CES5A: variants seen among roughly 807,000 people sequenced by gnomAD.
The protein encoded by CES5A is carboxylesterase 5A.
A neutral mutation model predicts 62.9 loss-of-function variants in CES5A; 67 were observed. The observed-to-expected ratio is 1.07, with a 90% CI of 0.88 to 1.31. CES5A has a LOEUF of 1.31. Among genes scored for constraint, CES5A ranks in the 50% most tolerant of loss-of-function variants. The pLI is 0.00. For missense variants in CES5A, 748 were observed against 708.5 expected (o/e 1.06, Z -0.63); for synonymous variants, 296 against 280.8 (o/e 1.05, Z -0.54).
At chr16:55,878,217 T>C (rs1347038402), upstream of CES5A, among the ~76,000 whole-genome samples, 1 of 152,100 alleles carries the variant, frequency 6.6e-6, no homozygotes, top group Non-Finnish European at 1.5e-5. Context: ...CTACCCCTGC[T>C]GATAGGTGGT....
At chr16:55,877,508 G>A (rs1007405322), upstream of CES5A, among the ~76,000 whole-genome samples, 1 of 151,562 alleles carries the variant, frequency 6.6e-6, no homozygotes, top group Non-Finnish European at 1.5e-5. Flanking sequence ...TACCACCAAA[G>A]TCTTACTCTT....
intron 1 of CES5A, among the ~76,000 whole-genome samples, chr16:55,954,665 G>A (rs373686665): frequency 1.3e-5 from 2 of 152,252 alleles, no homozygotes; most frequent in South Asian, 4.2e-4. Flanking sequence ...GAGAGGTGTG[G>A]AACCTCAGCC....
At chr16:55,874,354 C>T (rs376182976) in intron 1 of CES5A, among the ~76,000 whole-genome samples, 4 of 152,130 alleles carry the variant, frequency 2.6e-5, no homozygotes, top group African/African-American at 4.8e-5. Context: ...TGACATATAC[C>T]GAACTCTGTA....
chr16:55,931,430 C>T (rs1314034417), intron 2 of CES5A, among the ~76,000 whole-genome samples: 1 of 152,228 alleles, frequency 6.6e-6, no homozygotes, highest in Non-Finnish European at 1.5e-5. Flanking sequence ...CAGTCAATGA[C>T]AGCCTACTGA....
intron 2 of CES5A, among the ~76,000 whole-genome samples, chr16:55,945,570 C>A (rs1174191058): frequency 6.6e-6 from 1 of 152,204 alleles, no homozygotes; most frequent in Non-Finnish European, 1.5e-5. Flanking sequence ...TGGGGACTAA[C>A]GCTAACCTCT....
chr16:55,954,719 G>A (rs2142491097), intron 1 of CES5A, among the ~76,000 whole-genome samples: 1 of 152,262 alleles, frequency 6.6e-6, no homozygotes, highest in Middle Eastern at 3.4e-3. Context: ...GCCAAGGATA[G>A]GGGGAAGGCC....
rs187486477 is a variant in CES5A, at chr16:55,886,514, C to T, written c.-255-12477G>A. On this transcript the variant is annotated intron_variant, in intron 1 of 12. Transcript: ENST00000518005. ...CCTCAGCCATGCAGTTCTTGCACAA[C>T]GAACCCATGAACAGAATAGCTATGG... Among the ~76,000 whole-genome samples the T allele has an allele frequency of 1.7e-4, 26 of 152,310 alleles. 1 individual carries two copies. The highest frequency in any genetic ancestry group is 3.6e-4 in the African/African-American group (15 of 41,560).
At chr16:55,956,021 C>A in exon 1 of CES5A, 2 of 924,802 alleles carry the variant, frequency 2.2e-6, no homozygotes, top group Non-Finnish European at 3.2e-6. Context: ...TTTCCTCTAC[C>A]GTTGCCAGCT....
Position 55,846,853 on chromosome 16 carries a change from A to G in CES5A, c.1424-13T>C. On this transcript the variant is annotated splice_polypyrimidine_tract_variant and intron_variant, in intron 11 of 12. Transcript: ENST00000290567. ...TCCGTGGCTCCTTCTGAAGGAGATA[A>G]TCACAAAATGCTGCTGCTCTGGGTG... is the stretch of plus-strand genomic sequence containing the variant. The G allele has an allele frequency of 1.2e-6, 2 of 1,612,834 alleles. No individual in the cohort carries two copies. The highest frequency in any genetic ancestry group is 1.7e-6 in the Non-Finnish European group (2 of 1,178,956).
intron 1 of CES5A, among the ~76,000 whole-genome samples, chr16:55,917,381 A>C (rs779199830): frequency 7.2e-5 from 11 of 152,222 alleles, no homozygotes; most frequent in Non-Finnish European, 1.3e-4. Context: ...GGGTGCTTCT[A>C]ACTGAGGTTC....
chr16:55,865,856 A>T, intron 5 of CES5A, 107 bp downstream of exon 5: 3 of 1,259,128 alleles, frequency 2.4e-6, no homozygotes, highest in Non-Finnish European at 3.5e-6. Context: ...AATGTGTATT[A>T]AAGGGTTTGT....
At chr16:55,943,666 T>A (rs958420825) in intron 2 of CES5A, among the ~76,000 whole-genome samples, 5 of 152,244 alleles carry the variant, frequency 3.3e-5, no homozygotes, top group Non-Finnish European at 1.5e-5. Context: ...CTTTGTGGTA[T>A]AATTTGGGAG....
At chr16:55,904,414 A>C (rs2034019205) in intron 1 of CES5A, among the ~76,000 whole-genome samples, 3 of 152,222 alleles carry the variant, frequency 2.0e-5, no homozygotes, top group Non-Finnish European at 4.4e-5. Context: ...GCAGAGGGAA[A>C]GAGAATTTGT....
At chr16:55,928,446 CA>C (rs1369206421), upstream of CES5A, among the ~76,000 whole-genome samples, 2 of 151,830 alleles carry the variant, frequency 1.3e-5, no homozygotes, top group Admixed American at 6.6e-5. Context: ...GGATAAGGGA[CA>C]AAAAAATCCC....
At chr16:55,955,327 C>A (rs2034597776) in intron 1 of CES5A, among the ~76,000 whole-genome samples, 1 of 152,126 alleles carries the variant, frequency 6.6e-6, no homozygotes, top group South Asian at 2.1e-4. Context: ...TGAAACTAAT[C>A]CCCCCCATCT....
At chr16:55,879,007 C>T (rs1481614280), upstream of CES5A, among the ~76,000 whole-genome samples, 1 of 145,678 alleles carries the variant, frequency 6.9e-6, no homozygotes, top group Non-Finnish European at 1.5e-5. Context: ...CCCACCACTT[C>T]ACCCCATCAC....
At chr16:55,879,697 C>A (rs925963750), upstream of CES5A, among the ~76,000 whole-genome samples, 3 of 152,138 alleles carry the variant, frequency 2.0e-5, no homozygotes, top group Non-Finnish European at 2.9e-5. Context: ...CTCAAGCGAT[C>A]CTCCCACTTC....
intron 1 of CES5A, among the ~76,000 whole-genome samples, chr16:55,915,192 A>G (rs1282411187): frequency 6.6e-6 from 1 of 151,996 alleles, no homozygotes; most frequent in Non-Finnish European, 1.5e-5. Context: ...GCTTCTCCTC[A>G]TTGCCATTCA....
intron 2 of CES5A, among the ~76,000 whole-genome samples, chr16:55,938,497 G>A (rs2034401578): frequency 1.3e-5 from 2 of 151,672 alleles, no homozygotes. Context: ...AGATATGTTG[G>A]GAGGCCAAGG....
Sources: gnomAD v4.1 joint callset for allele counts (sites outside exome capture counted in the v4.1 genomes callset) on GRCh38, gnomAD v4.1.1 for gene constraint, MANE v1.5 for transcripts, NCBI Gene and HGNC (gene_info 2026-07-23, HGNC 2026-07-21) for gene names.